SLC4A10: variants seen among roughly 807,000 people sequenced by gnomAD.
SLC4A10 encodes sodium-driven chloride bicarbonate exchanger.
Under a neutral mutation model 137.7 loss-of-function variants are expected in SLC4A10, and 42 were observed. The ratio of observed to expected loss-of-function variants is 0.30; its 90% CI spans 0.24 to 0.39. The LOEUF is 0.39. Ranked by LOEUF, SLC4A10 falls within the 10% of genes least tolerant of loss-of-function variation. SLC4A10 has a pLI of 1.00. For synonymous variants in SLC4A10, 474 were observed against 464.1 expected (o/e 1.02, Z -0.27); for missense variants, 925 against 1,355.0 (o/e 0.68, Z 4.98).
At chr2:161,888,385 G>T (rs1027574848) in intron 10 of SLC4A10, among the ~76,000 whole-genome samples, 7 of 152,170 alleles carry the variant, frequency 4.6e-5, no homozygotes, top group Non-Finnish European at 7.4e-5. Context: ...ACTTTGGGCA[G>T]TATGGCCATT....
In SLC4A10 at chr2:161,836,661, A is replaced by G. The variant is rs577598681; in HGVS notation, c.278-3128A>G. 2.1e-3 allele frequency among the ~76,000 whole-genome samples: 326 copies of G among 151,842 alleles called. 13 individuals carry two copies. The highest frequency in any genetic ancestry group is 7.4e-3 in the African/African-American group (305 of 41,462). Reference sequence around the variant, plus strand: ...GAAGAAAGAAAATTTCTGGAAAAAAAAAAACCCCATAAACTTACACATTGA... The same window carrying G: ...GAAGAAAGAAAATTTCTGGAAAAAAGAAAACCCCATAAACTTACACATTGA... On this transcript the variant is annotated intron_variant, in intron 3 of 26. Coordinates refer to ENST00000446997, the MANE Select transcript of SLC4A10 (RefSeq NM_001178015.2).
chr2:161,766,786 C>G (rs766767830), intron 1 of SLC4A10, among the ~76,000 whole-genome samples: 1 of 151,248 alleles, frequency 6.6e-6, no homozygotes, highest in Non-Finnish European at 1.5e-5. Flanking sequence ...TTAAAAACTA[C>G]TGAAGAGCAA....
At chr2:161,771,359 G>A (rs970576394) in intron 2 of SLC4A10, among the ~76,000 whole-genome samples, 2 of 151,864 alleles carry the variant, frequency 1.3e-5, no homozygotes, top group African/African-American at 4.8e-5. Flanking sequence ...ATTGAGACAT[G>A]ATGACAGATC....
intron 1 of SLC4A10, among the ~76,000 whole-genome samples, chr2:161,649,149 T>C (rs1342089916): frequency 6.6e-6 from 1 of 152,196 alleles, no homozygotes; most frequent in Non-Finnish European, 1.5e-5. Flanking sequence ...GGTGGATCCC[T>C]TTGACTCAAG....
At chr2:161,789,865 G>T (rs773307827) in intron 2 of SLC4A10, among the ~76,000 whole-genome samples, 3 of 152,146 alleles carry the variant, frequency 2.0e-5, no homozygotes, top group Admixed American at 2.0e-4. Flanking sequence ...CATTGGGATT[G>T]TGTCTGGGGG....
rs554344018 is a variant in SLC4A10 at position 161,972,153 on chromosome 2, A to C, written c.3160-2096A>C. 2.3e-4 allele frequency among the ~76,000 whole-genome samples: 35 copies of C among 152,308 alleles called. No homozygotes were observed. In the South Asian group the frequency reaches 6.2e-3, roughly 27 times the overall value. On this transcript the variant is annotated intron_variant, in intron 23 of 26. Transcript: ENST00000446997. ...TGATTGGCCAGAAATGATATCATAT[A>C]CCAGGCTTCACCTTTCAGTGGGCAA...
At chr2:161,863,245 A>G (rs1377989023) in intron 6 of SLC4A10, among the ~76,000 whole-genome samples, 183 bp downstream of exon 6, 1 of 152,200 alleles carries the variant, frequency 6.6e-6, no homozygotes, top group Non-Finnish European at 1.5e-5. Context: ...AAATTTTAGA[A>G]AAGAACTTAA....
At chr2:161,971,826 T>C (rs1698592361) in intron 23 of SLC4A10, among the ~76,000 whole-genome samples, 1 of 152,184 alleles carries the variant, frequency 6.6e-6, no homozygotes, top group Non-Finnish European at 1.5e-5. Context: ...AAGCTATCTT[T>C]AGAGGTGATG....
Position 161,977,714 on chromosome 2 carries a change from G to A in SLC4A10, c.3345-8G>A, listed in dbSNP as rs1028656582. ...TACTTAATTTTTATATTACATTTTT[G>A]TCATAAGCTCCCCTTCCTAATCACT... is the stretch of plus-strand genomic sequence containing the variant. On this transcript the variant is annotated splice_polypyrimidine_tract_variant and splice_region_variant and intron_variant, in intron 25 of 26. Transcript: ENST00000446997. 7 of 1,596,104 alleles carry A rather than the reference G, an allele frequency of 4.4e-6. No homozygotes were observed. The highest frequency in any genetic ancestry group is 1.7e-4 in the Middle Eastern group (1 of 5,994).
intron 23 of SLC4A10, among the ~76,000 whole-genome samples, chr2:161,969,073 T>C (rs1698081149): frequency 6.6e-6 from 1 of 152,192 alleles, no homozygotes; most frequent in African/African-American, 2.4e-5. Flanking sequence ...ACTGGCAAGA[T>C]GGTAAATAGC....
chr2:161,944,168 A>G (rs988324651), intron 16 of SLC4A10, among the ~76,000 whole-genome samples: 2 of 151,912 alleles, frequency 1.3e-5, no homozygotes, highest in East Asian at 1.9e-4. Flanking sequence ...AAACTGAACA[A>G]TAAAAGAATT....
chr2:161,660,556 A>ATTTCTTCCTTTCTTTC (rs1553479717), intron 1 of SLC4A10, among the ~76,000 whole-genome samples: 2 of 110,368 alleles, frequency 1.8e-5, no homozygotes, highest in Non-Finnish European at 3.6e-5. Context: ...ACTCATCTAT[A>ATTTCTTCCTTTCTTTC]TTTCTTTCTT....
chr2:161,943,247 C>G (rs951647033), intron 16 of SLC4A10, among the ~76,000 whole-genome samples: 2 of 152,186 alleles, frequency 1.3e-5, no homozygotes, highest in East Asian at 3.9e-4. Context: ...TCTTACTTTA[C>G]TCTGTAATGC....
chr2:161,742,729 G>A (rs1231858587), intron 1 of SLC4A10, among the ~76,000 whole-genome samples: 1 of 151,782 alleles, frequency 6.6e-6, no homozygotes, highest in South Asian at 2.1e-4. Flanking sequence ...CATGAACCAT[G>A]GTGCCCAGCT....
At chr2:161,840,902 A>C (rs1330088667) in intron 4 of SLC4A10, among the ~76,000 whole-genome samples, 3 of 152,162 alleles carry the variant, frequency 2.0e-5, no homozygotes, top group African/African-American at 7.2e-5. Context: ...AGTTATCTAA[A>C]CCACGAGGTG....
At chr2:161,914,815 G>A (rs534620656) in intron 15 of SLC4A10, among the ~76,000 whole-genome samples, 2 of 152,092 alleles carry the variant, frequency 1.3e-5, no homozygotes, top group African/African-American at 4.8e-5. Flanking sequence ...TGTATTTGGA[G>A]ACAGGACTTT....
chr2:161,872,606 T>C (rs374666500), intron 7 of SLC4A10, among the ~76,000 whole-genome samples: 8 of 151,824 alleles, frequency 5.3e-5, no homozygotes, highest in African/African-American at 1.9e-4. Flanking sequence ...ATAGTATTCA[T>C]GTTTCAGCCA....
At chr2:161,890,116 C>T (rs2062762124) in intron 10 of SLC4A10, among the ~76,000 whole-genome samples, 1 of 152,148 alleles carries the variant, frequency 6.6e-6, no homozygotes, top group African/African-American at 2.4e-5. Flanking sequence ...GTTTCTTAAT[C>T]CTGAGTTCTA....
chr2:161,979,550 T>G (rs1699912030), intron 26 of SLC4A10, among the ~76,000 whole-genome samples: 1 of 152,256 alleles, frequency 6.6e-6, no homozygotes, highest in African/African-American at 2.4e-5. Flanking sequence ...GGTTGGTAGT[T>G]AATCTCTTTT....
Sources: allele counts gnomAD v4.1 joint callset (sites outside exome capture counted in the v4.1 genomes callset), GRCh38; gene constraint gnomAD v4.1.1; transcripts MANE v1.5; gene names NCBI Gene and HGNC (gene_info 2026-07-23, HGNC 2026-07-21).